The following DGKB variants were observed in gnomAD, a reference collection of about 807,000 sequenced individuals.
DGKB encodes diacylglycerol kinase beta.
In DGKB, 67 loss-of-function variants were observed where a neutral mutation model predicts 114.3. That is an observed-to-expected ratio of 0.59 (90% CI 0.48 to 0.72). DGKB has a LOEUF of 0.72. Among genes scored for constraint, DGKB ranks in the 30% least tolerant of loss-of-function variants. DGKB has a pLI of 0.00. For missense variants in DGKB, 907 were observed against 975.2 expected, an observed-to-expected ratio of 0.93 and a Z score of 0.93; for synonymous variants, 398 against 323.1, an observed-to-expected ratio of 1.23 and a Z score of -2.49.
At chr7:14,677,848 G>A (rs1184399983) in intron 12 of DGKB, among the ~76,000 whole-genome samples, 1 of 151,982 alleles carries the variant, frequency 6.6e-6, no homozygotes, top group Non-Finnish European at 1.5e-5. Flanking sequence ...GTTTTCCACT[G>A]ATCTTTCCTA....
At chr7:14,630,172 C>A in intron 14 of DGKB, 64 bp downstream of exon 14, 2 of 1,086,560 alleles carry the variant, frequency 1.8e-6, no homozygotes, top group Non-Finnish European at 2.6e-6. Flanking sequence ...ATGTTCTTTA[C>A]AGCAATACAA....
intron 23 of DGKB, among the ~76,000 whole-genome samples, chr7:14,315,040 A>T (rs1256437938): frequency 7.2e-5 from 11 of 151,808 alleles, no homozygotes; most frequent in East Asian, 1.9e-4. Context: ...CTAAGCTTCA[A>T]AAGTGAAGGA....
intron 13 of DGKB, among the ~76,000 whole-genome samples, chr7:14,648,190 C>A (rs1005281317): frequency 2.0e-5 from 3 of 152,232 alleles, no homozygotes; most frequent in Admixed American, 6.5e-5. Context: ...CCTCTGGGGG[C>A]AAGGCACAGA....
intron 23 of DGKB, among the ~76,000 whole-genome samples, chr7:14,199,156 A>G (rs1404782263): frequency 6.6e-6 from 1 of 152,004 alleles, no homozygotes; most frequent in Admixed American, 6.6e-5. Flanking sequence ...ACACTAAATA[A>G]ACTTTATGTA....
intron 1 of DGKB, among the ~76,000 whole-genome samples, chr7:14,883,940 C>T (rs970460704): frequency 2.0e-5 from 3 of 151,934 alleles, no homozygotes; most frequent in African/African-American, 7.2e-5. Context: ...ATCACCATTC[C>T]GTCACTTATC....
At chr7:14,170,148 AG>A (rs1303497855) in intron 25 of DGKB, among the ~76,000 whole-genome samples, 11,648 of 49,496 alleles carry the variant, frequency 0.24, 1,069 homozygotes, top group African/African-American at 0.37. Flanking sequence ...AAAAAAAAAA[AG>A]AAAGAAAGAA....
At chr7:14,375,122 CAG>C (rs1818278816) in intron 21 of DGKB, among the ~76,000 whole-genome samples, 1 of 152,214 alleles carries the variant, frequency 6.6e-6, no homozygotes, top group South Asian at 2.1e-4. Context: ...CCGCCTCCCA[CAG>C]AGATACTTTT....
chr7:14,921,435 T>C (rs1784505378), intron 1 of DGKB, among the ~76,000 whole-genome samples: 1 of 152,186 alleles, frequency 6.6e-6, no homozygotes. Flanking sequence ...AGGTGATGTC[T>C]ATACCAAACC....
intron 13 of DGKB, among the ~76,000 whole-genome samples, chr7:14,659,793 G>T (rs1019678333): frequency 1.3e-5 from 2 of 150,842 alleles, no homozygotes; most frequent in Non-Finnish European, 3.0e-5. Flanking sequence ...GTGAGAGAGG[G>T]CATCCCTGTC....
chr7:14,256,825 T>G (rs1859729), intron 23 of DGKB, among the ~76,000 whole-genome samples: 104,022 of 138,464 alleles, frequency 0.75, 36,563 homozygotes, highest in East Asian at 0.99. Context: ...CCAGGGCCAA[T>G]AAGCTTCTCC....
At chr7:14,388,574 G>T (rs1437907500) in intron 21 of DGKB, among the ~76,000 whole-genome samples, 2 of 151,680 alleles carry the variant, frequency 1.3e-5, no homozygotes, top group Non-Finnish European at 2.9e-5. Flanking sequence ...GAAATTTTCT[G>T]CAGTAGGTAA....
chr7:14,412,462 C>T (rs891462976), intron 21 of DGKB, among the ~76,000 whole-genome samples: 2 of 151,998 alleles, frequency 1.3e-5, no homozygotes, highest in African/African-American at 2.4e-5. Flanking sequence ...GCAAGACATA[C>T]ATAGCAAAAA....
chr7:14,361,501 A>G (rs1182562589), intron 21 of DGKB, among the ~76,000 whole-genome samples: 2 of 151,956 alleles, frequency 1.3e-5, no homozygotes, highest in Non-Finnish European at 2.9e-5. Flanking sequence ...AAATATCATG[A>G]TCTGTTTTTG....
chr7:14,244,750 G>T (rs113664361), intron 23 of DGKB, among the ~76,000 whole-genome samples: 9 of 150,874 alleles, frequency 6.0e-5, no homozygotes, highest in Admixed American at 3.3e-4. Context: ...GAGGGTGACT[G>T]GTCCCTTTCC....
At chr7:14,859,201 G>A (rs1850618097) in intron 1 of DGKB, among the ~76,000 whole-genome samples, 1 of 152,034 alleles carries the variant, frequency 6.6e-6, no homozygotes, top group Admixed American at 6.6e-5. Flanking sequence ...GGTGTGGGTG[G>A]ATGTTGGAAA....
intron 20 of DGKB, among the ~76,000 whole-genome samples, chr7:14,489,059 C>A (rs903685811): frequency 6.6e-6 from 1 of 152,064 alleles, no homozygotes; most frequent in Admixed American, 6.6e-5. Context: ...CTAAGTGTCA[C>A]CTGACAAGAA....
At chr7:14,669,717 GC>G (rs1172421743) in intron 13 of DGKB, among the ~76,000 whole-genome samples, 1 of 151,990 alleles carries the variant, frequency 6.6e-6, no homozygotes, top group African/African-American at 2.4e-5. Context: ...CCTACAGGAG[GC>G]CCCAACAGAC....
intron 23 of DGKB, among the ~76,000 whole-genome samples, chr7:14,185,132 A>G (rs910463973): frequency 6.6e-6 from 1 of 152,060 alleles, no homozygotes; most frequent in Admixed American, 6.5e-5. Flanking sequence ...AACCCTAAGG[A>G]CTCCTCCAGA....
At chr7:14,175,640 G>C (rs758831630) in intron 25 of DGKB, among the ~76,000 whole-genome samples, 1 of 152,140 alleles carries the variant, frequency 6.6e-6, no homozygotes, top group Non-Finnish European at 1.5e-5. Flanking sequence ...ATGTAAATCA[G>C]ATGATGCTTA....
Sources: gnomAD v4.1 joint callset for allele counts (sites outside exome capture counted in the v4.1 genomes callset) on GRCh38, gnomAD v4.1.1 for gene constraint, MANE v1.5 for transcripts, NCBI Gene and HGNC (gene_info 2026-07-23, HGNC 2026-07-21) for gene names.